The following YEATS2 variants were observed in gnomAD, a reference collection of about 807,000 sequenced individuals.
YEATS2 encodes YEATS domain containing 2.
A neutral mutation model predicts 163.2 loss-of-function variants in YEATS2; 77 were observed. That is an observed-to-expected ratio of 0.47 (90% CI 0.39 to 0.57). The LOEUF is 0.57. Among genes scored for constraint, YEATS2 ranks in the 20% least tolerant of loss-of-function variants. YEATS2 has a pLI of 0.00. For missense variants in YEATS2, 1,549 were observed against 1,729.8 expected (o/e 0.90, Z 1.85); for synonymous variants, 631 against 645.1 (o/e 0.98, Z 0.33).
chr3:183,720,614 A>T (rs535365674), intron 4 of YEATS2, among the ~76,000 whole-genome samples: 1 of 152,182 alleles, frequency 6.6e-6, no homozygotes, highest in Non-Finnish European at 1.5e-5. Context: ...GTTGAATTTT[A>T]AACGGTAGAC....
In YEATS2 at chr3:183,799,000, T is replaced by C; in HGVS notation, c.3325+11T>C. On this transcript the variant is annotated intron_variant, in intron 23 of 30. Transcript: ENST00000305135. ...CAGCTGTTGCAAAAGGTACGTAGGATCTCACAGAGTTCTCGTCCAGAAGTT... is the reference window on the plus strand; with the variant it reads ...CAGCTGTTGCAAAAGGTACGTAGGACCTCACAGAGTTCTCGTCCAGAAGTT... 1.2e-6 allele frequency: 2 copies of C among 1,601,456 alleles called. No individual in the cohort carries two copies. Among genetic ancestry groups the C allele is most frequent in the Non-Finnish European group, 1.7e-6 (2 of 1,168,448 alleles).
Position 183,763,081 on chromosome 3 carries a change from A to AG in YEATS2, c.1947+802_1947+803insG, listed in dbSNP as rs200675103. On this transcript the variant is annotated intron_variant, in intron 15 of 30. Transcript: ENST00000305135. ...AATAAAAATTAAAAAATTAAAAAAA[A>AG]AAATAGCACATAGAGCCATGTTTTC... Among the ~76,000 whole-genome samples, 1,741 of 151,520 alleles carry AG rather than the reference A, an allele frequency of 0.011. 69 individuals carry two copies. The East Asian group carries it at 0.15, about 13-fold the overall frequency.
rs1383190442 is a variant in YEATS2, at chr3:183,709,716, C to T, written c.-19-5428C>T. Among the ~76,000 whole-genome samples the T allele has an allele frequency of 5.5e-4, 77 of 140,146 alleles. No individual in the cohort carries two copies. The East Asian group carries it at 0.013, about 24-fold the overall frequency. 91.9% of individuals were successfully genotyped at this position (140,146 alleles called of 152,430 possible). Reference sequence around the variant, plus strand: ...TTTTTGAGACAGAGTCTTGCTCTGTCACCCAGGCTGGAGTGCAGTGGCGTG... The same window carrying T: ...TTTTTGAGACAGAGTCTTGCTCTGTTACCCAGGCTGGAGTGCAGTGGCGTG... On this transcript the variant is annotated intron_variant, in intron 1 of 30. Coordinates refer to ENST00000305135, the MANE Select transcript of YEATS2 (RefSeq NM_018023.5).
intron 17 of YEATS2, 65 bp from the exon 18 acceptor site, chr3:183,775,850 G>C: frequency 1.2e-6 from 2 of 1,606,078 alleles, no homozygotes; most frequent in Non-Finnish European, 8.5e-7. Flanking sequence ...GGGCTCATTT[G>C]TTTTTTATGC....
chr3:183,715,631 A>G (rs938604641), intron 2 of YEATS2, among the ~76,000 whole-genome samples: 8 of 152,332 alleles, frequency 5.3e-5, no homozygotes, highest in Non-Finnish European at 7.4e-5. Flanking sequence ...TTTAATGTAT[A>G]TAGAAAAAAG....
chr3:183,771,506 G>C (rs1722452696), intron 15 of YEATS2, among the ~76,000 whole-genome samples: 2 of 105,630 alleles, frequency 1.9e-5, no homozygotes, highest in African/African-American at 7.6e-5. Flanking sequence ...GGGTACTGGG[G>C]TCTTTTTTTT....
chr3:183,706,370 T>G (rs563525169), intron 1 of YEATS2, among the ~76,000 whole-genome samples: 1 of 152,120 alleles, frequency 6.6e-6, no homozygotes, highest in East Asian at 1.9e-4. Context: ...GAATGGAAAT[T>G]TGTTCTAAAT....
intron 15 of YEATS2, among the ~76,000 whole-genome samples, chr3:183,766,673 C>T (rs951329032): frequency 2.6e-5 from 4 of 152,164 alleles, no homozygotes; most frequent in East Asian, 1.9e-4. Context: ...GGCCGAAATA[C>T]GTTGTGGTTT....
At chr3:183,741,786 G>GA (rs926858004) in intron 8 of YEATS2, among the ~76,000 whole-genome samples, 1 of 150,798 alleles carries the variant, frequency 6.6e-6, no homozygotes, top group East Asian at 2.0e-4. Flanking sequence ...ATCTCAAAAA[G>GA]AAAAAAAAGA....
At chr3:183,749,239 G>A (rs887375643) in intron 9 of YEATS2, among the ~76,000 whole-genome samples, 1 of 152,112 alleles carries the variant, frequency 6.6e-6, no homozygotes, top group Non-Finnish European at 1.5e-5. Context: ...CATGGCGCCC[G>A]GCCGGTTCAT....
chr3:183,759,295 T>A (rs1721102374), intron 13 of YEATS2, among the ~76,000 whole-genome samples: 1 of 152,186 alleles, frequency 6.6e-6, no homozygotes, highest in South Asian at 2.1e-4. Flanking sequence ...TTGGATCTAC[T>A]CCAGACTTTA....
intron 8 of YEATS2, among the ~76,000 whole-genome samples, chr3:183,742,015 C>T (rs2109210237): frequency 6.6e-6 from 1 of 151,158 alleles, no homozygotes; most frequent in East Asian, 2.0e-4. Context: ...TTGAGACCAG[C>T]CTGGGCAACA....
At chr3:183,806,221 A>G in intron 27 of YEATS2, 1 of 444,580 alleles carries the variant, frequency 2.2e-6, no homozygotes, top group Non-Finnish European at 4.5e-6. Context: ...TTCAGGATAT[A>G]GCCCCAGCCA....
intron 15 of YEATS2, among the ~76,000 whole-genome samples, chr3:183,764,513 C>G (rs1427360563): frequency 6.6e-6 from 1 of 151,468 alleles, no homozygotes; most frequent in African/African-American, 2.4e-5. Flanking sequence ...TTAGGATCAA[C>G]TTAAAAATTC....
chr3:183,724,045 A>C (rs545566972), intron 5 of YEATS2, among the ~76,000 whole-genome samples: 25 of 152,316 alleles, frequency 1.6e-4, no homozygotes, highest in Admixed American at 1.6e-3. Context: ...CTCATTGAAC[A>C]GTTTTGAATA....
chr3:183,782,626 G>A lies in YEATS2; in HGVS notation c.2737-3499G>A, dbSNP rs527261744. Among the ~76,000 whole-genome samples, 3 of 152,130 alleles carry A rather than the reference G, an allele frequency of 2.0e-5. No homozygotes were observed. The South Asian group carries it at 6.2e-4, about 31-fold the overall frequency. On this transcript the variant is annotated intron_variant, in intron 19 of 30. Coordinates refer to ENST00000305135, the MANE Select transcript of YEATS2 (RefSeq NM_018023.5). The stretch of plus-strand genomic sequence containing the variant: ...TTTCGTAGAGACAGGGTTTCACCAT[G>A]TGGGCCAGGCTGGTCTCGAACTCCT...
intron 1 of YEATS2, among the ~76,000 whole-genome samples, chr3:183,701,975 A>G (rs1349250655): frequency 6.6e-6 from 1 of 152,184 alleles, no homozygotes; most frequent in East Asian, 1.9e-4. Context: ...CAAAGTTCAC[A>G]TGCCTGAACA....
intron 5 of YEATS2, among the ~76,000 whole-genome samples, chr3:183,722,829 T>G (rs940069736): frequency 3.3e-5 from 5 of 152,094 alleles, no homozygotes; most frequent in African/African-American, 1.2e-4. Context: ...ATTTTTTGTA[T>G]TTTTAGTAGA....
chr3:183,728,719 A>G lies in YEATS2; in HGVS notation c.680A>G (p.Asn227Ser), dbSNP rs748447565. 1 of 1,612,222 alleles carries G rather than the reference A, an allele frequency of 6.2e-7. No homozygotes were observed. Among genetic ancestry groups the G allele is most frequent in the Non-Finnish European group, 8.5e-7 (1 of 1,179,458 alleles). The change falls in exon 7 of 31, where the codon AAT (asparagine) becomes AGT (serine). Residue 227 changes from asparagine to serine, a missense_variant. By Grantham distance (46) the Asn-to-Ser change is conservative (BLOSUM62 1). Transcript: ENST00000305135. Reference protein sequence around the residue: ...KYIPPDKREENDQSTHKWMVY... With the variant: ...KYIPPDKREESDQSTHKWMVY... The stretch of plus-strand genomic sequence containing the variant: ...ATACCTCCGGATAAGAGGGAAGAAA[A>G]TGACCAGTCAACTCATAAGTGGATG...
Sources: allele counts gnomAD v4.1 joint callset (sites outside exome capture counted in the v4.1 genomes callset), GRCh38; gene constraint gnomAD v4.1.1; transcripts MANE v1.5; gene names NCBI Gene and HGNC (gene_info 2026-07-23, HGNC 2026-07-21).